NCAM1: variants seen among roughly 807,000 people sequenced by gnomAD.
NCAM1 encodes neural cell adhesion molecule 1.
A neutral mutation model predicts 109.8 loss-of-function variants in NCAM1; 14 were observed. That is an observed-to-expected ratio of 0.13 (90% CI 0.08 to 0.20). The LOEUF (loss-of-function observed/expected upper bound fraction) is 0.20, where lower values mean the gene tolerates loss of function less well. Among genes scored for constraint, NCAM1 ranks in the 10% least tolerant of loss-of-function variants. NCAM1 has a pLI of 1.00. For missense variants in NCAM1, 774 were observed against 1,109.9 expected (o/e 0.70, Z 4.30); for synonymous variants, 418 against 442.9 (o/e 0.94, Z 0.70).
intron 1 of NCAM1, among the ~76,000 whole-genome samples, chr11:113,079,292 A>C (rs1441038106): frequency 7.9e-5 from 12 of 152,220 alleles, no homozygotes; most frequent in African/African-American, 2.9e-4. Flanking sequence ...GAGGCAACAG[A>C]GAGTAAGGGA....
intron 1 of NCAM1, among the ~76,000 whole-genome samples, chr11:113,086,293 G>A (rs1369428612): frequency 2.0e-5 from 3 of 152,206 alleles, no homozygotes; most frequent in Non-Finnish European, 4.4e-5. Context: ...TGGGATTTTG[G>A]TCTTCCAGAA....
intron 19 of NCAM1, among the ~76,000 whole-genome samples, chr11:113,272,180 T>C (rs1946297546): frequency 6.6e-6 from 1 of 152,138 alleles, no homozygotes. Context: ...TGGCAAAATC[T>C]CACTGAAAGG....
At chr11:112,997,915 G>A (rs113787000) in intron 1 of NCAM1, among the ~76,000 whole-genome samples, 7 of 152,152 alleles carry the variant, frequency 4.6e-5, no homozygotes, top group African/African-American at 7.2e-5. Flanking sequence ...CTTTTCCCAC[G>A]AAGACACTTT....
intron 8 of NCAM1, among the ~76,000 whole-genome samples, chr11:113,219,672 A>G (rs1944629407): frequency 6.6e-6 from 1 of 152,240 alleles, no homozygotes; most frequent in Non-Finnish European, 1.5e-5. Flanking sequence ...GTTACTAGCA[A>G]CTACTTATTC....
chr11:113,170,272 A>G (rs868947350), intron 1 of NCAM1, among the ~76,000 whole-genome samples: 6 of 152,166 alleles, frequency 3.9e-5, no homozygotes, highest in African/African-American at 1.4e-4. Context: ...ACCTCTTCCC[A>G]ATAAGGGTCA....
At chr11:113,177,132 G>C (rs1158477128) in intron 1 of NCAM1, among the ~76,000 whole-genome samples, 8 of 152,160 alleles carry the variant, frequency 5.3e-5, no homozygotes, top group African/African-American at 1.9e-4. Context: ...TGTTTTTTCT[G>C]GCTGCCTATG....
At chr11:113,097,605 C>CTT (rs36089828) in intron 1 of NCAM1, among the ~76,000 whole-genome samples, 2 of 142,122 alleles carry the variant, frequency 1.4e-5, no homozygotes, top group African/African-American at 2.6e-5. Flanking sequence ...GTGACTTGGG[C>CTT]TTTTTTTTTT....
intron 1 of NCAM1, among the ~76,000 whole-genome samples, chr11:113,177,539 T>C (rs1943199187): frequency 6.6e-6 from 1 of 152,140 alleles, no homozygotes; most frequent in Non-Finnish European, 1.5e-5. Context: ...GTTCAAGTGA[T>C]TCTCCTGCCT....
intron 8 of NCAM1, 138 bp downstream of exon 8, chr11:113,214,649 C>T (rs995754576): frequency 2.5e-5 from 22 of 873,150 alleles, no homozygotes; most frequent in South Asian, 2.1e-4. Flanking sequence ...CCGGGGCCTC[C>T]CTCCCCAACC....
chr11:112,982,551 T>C (rs568388214), intron 1 of NCAM1, among the ~76,000 whole-genome samples: 2 of 151,954 alleles, frequency 1.3e-5, no homozygotes, highest in African/African-American at 4.8e-5. Context: ...GAGGAGCTAC[T>C]GTAGAGGCTG....
chr11:113,076,036 G>C (rs1161512631), intron 1 of NCAM1, among the ~76,000 whole-genome samples: 1 of 152,158 alleles, frequency 6.6e-6, no homozygotes, highest in Non-Finnish European at 1.5e-5. Context: ...TTCACCATTG[G>C]TTCAAAGAAA....
intron 1 of NCAM1, among the ~76,000 whole-genome samples, chr11:113,068,416 A>G (rs2135543528): frequency 6.6e-6 from 1 of 152,294 alleles, no homozygotes. Flanking sequence ...TAAATGAAAT[A>G]ATTTTGTATA....
intron 1 of NCAM1, among the ~76,000 whole-genome samples, chr11:113,001,280 G>C (rs549012956): frequency 6.6e-6 from 1 of 152,276 alleles, no homozygotes; most frequent in Admixed American, 6.5e-5. Context: ...AGGTTTCCTG[G>C]AGCATAGAAG....
chr11:113,046,548 C>T (rs1953273116), intron 1 of NCAM1, among the ~76,000 whole-genome samples: 1 of 152,128 alleles, frequency 6.6e-6, no homozygotes, highest in African/African-American at 2.4e-5. Context: ...GCCAAAGGTA[C>T]CTGGCATGGA....
intron 7 of NCAM1, among the ~76,000 whole-genome samples, chr11:113,210,775 A>AGC (rs1944363983): frequency 7.6e-6 from 1 of 130,886 alleles, no homozygotes; most frequent in African/African-American, 2.9e-5. Context: ...CTTCATCACA[A>AGC]ACACACACAC....
At chr11:113,050,368 CT>C (rs1399818591) in intron 1 of NCAM1, among the ~76,000 whole-genome samples, 2 of 152,120 alleles carry the variant, frequency 1.3e-5, no homozygotes, top group African/African-American at 4.8e-5. Flanking sequence ...AAATATTTAA[CT>C]TCTAGTTTTT....
chr11:113,247,500 C>T (rs1181998011), intron 15 of NCAM1, among the ~76,000 whole-genome samples: 1 of 152,156 alleles, frequency 6.6e-6, no homozygotes, highest in Non-Finnish European at 1.5e-5. Flanking sequence ...TCGTTCTCCT[C>T]CTGTGTGTTA....
At chr11:113,244,241 C>T (rs994599194) in intron 14 of NCAM1, among the ~76,000 whole-genome samples, 3 of 152,128 alleles carry the variant, frequency 2.0e-5, no homozygotes, top group Non-Finnish European at 2.9e-5. Flanking sequence ...GGTTGGTCTT[C>T]TCTGTTAGTG....
At chr11:113,083,248 A>G (rs1453954305) in intron 1 of NCAM1, among the ~76,000 whole-genome samples, 3 of 152,134 alleles carry the variant, frequency 2.0e-5, no homozygotes, top group African/African-American at 7.2e-5. Flanking sequence ...TATAACATAC[A>G]CTATCATCTC....
Sources: allele counts gnomAD v4.1 joint callset (sites outside exome capture counted in the v4.1 genomes callset), GRCh38; gene constraint gnomAD v4.1.1; transcripts MANE v1.5; gene names NCBI Gene and HGNC (gene_info 2026-07-23, HGNC 2026-07-21).